The following ALDH1A2 variants were observed in gnomAD, a reference collection of about 807,000 sequenced individuals.
ALDH1A2 encodes the protein retinal dehydrogenase 2.
In ALDH1A2, 27 loss-of-function variants were observed where a neutral mutation model predicts 60.3. The observed-to-expected ratio is 0.45, with a 90% CI of 0.33 to 0.62. ALDH1A2 has a LOEUF of 0.62. Among genes scored for constraint, ALDH1A2 ranks in the 20% least tolerant of loss-of-function variants. The pLI, the probability that ALDH1A2 is intolerant of heterozygous loss-of-function variation, is 0.02. For missense variants in ALDH1A2, 581 were observed against 643.8 expected, an observed-to-expected ratio of 0.90 and a Z score of 1.06; for synonymous variants, 289 against 232.4, an observed-to-expected ratio of 1.24 and a Z score of -2.21.
At chr15:57,979,088 C>G (rs1230447672) in intron 7 of ALDH1A2, among the ~76,000 whole-genome samples, 1 of 152,068 alleles carries the variant, frequency 6.6e-6, no homozygotes, top group Non-Finnish European at 1.5e-5. Flanking sequence ...GGCCCAACCA[C>G]TCAGCATCCA....
At chr15:57,997,548 G>C (rs1895104982) in intron 4 of ALDH1A2, among the ~76,000 whole-genome samples, 1 of 151,696 alleles carries the variant, frequency 6.6e-6, no homozygotes, top group African/African-American at 2.4e-5. Flanking sequence ...ACCTGGAATG[G>C]TTCAGAAAAA....
chr15:58,060,636 A>G (rs1355583090), intron 1 of ALDH1A2, among the ~76,000 whole-genome samples: 1 of 152,140 alleles, frequency 6.6e-6, no homozygotes, highest in Non-Finnish European at 1.5e-5. Context: ...AAATGAAGGA[A>G]GGGCATGCAA....
intron 7 of ALDH1A2, among the ~76,000 whole-genome samples, chr15:57,977,115 A>G (rs1465713051): frequency 6.7e-6 from 1 of 149,228 alleles, no homozygotes; most frequent in African/African-American, 2.5e-5. Context: ...TTTTTCTTGT[A>G]AACTTGTTTA....
At chr15:57,992,072 A>G (rs1894914588) in intron 7 of ALDH1A2, among the ~76,000 whole-genome samples, 1 of 152,208 alleles carries the variant, frequency 6.6e-6, no homozygotes, top group Non-Finnish European at 1.5e-5. Flanking sequence ...AAAGATTAGC[A>G]TTTGTAATCC....
intron 1 of ALDH1A2, among the ~76,000 whole-genome samples, chr15:58,016,809 T>C (rs771888906): frequency 6.6e-6 from 1 of 152,194 alleles, no homozygotes; most frequent in Non-Finnish European, 1.5e-5. Context: ...CACCACTGTA[T>C]CATCCTTCCG....
In ALDH1A2 at chr15:57,965,814, A is replaced by G; in HGVS notation, c.812T>C (p.Ile271Thr). 6.2e-7 allele frequency: 1 copy of G among 1,614,100 alleles called. No individual in the cohort carries two copies. The highest frequency in any genetic ancestry group is 8.5e-7 in the Non-Finnish European group (1 of 1,179,944). The change falls in exon 8 of 13, where the codon ATC (isoleucine) becomes ACC (threonine). Residue 271 changes from isoleucine (I) to threonine (T), a missense_variant. Around this residue, in one of 2 missense-constraint regions of ALDH1A2, gnomAD observed 375 missense variants for 469.7 expected, o/e 0.80. Transcript: ENST00000249750. ...FTGSTEVGKL[I>T]QEAAGRSNLK... ...ATTACTTCTTCCAGCTGCTTCTTGG[A>G]TAAGCTTTCCAACCTGAAAGAAGGG...
intron 12 of ALDH1A2, among the ~76,000 whole-genome samples, 192 bp from the exon 13 acceptor site, chr15:57,955,461 G>GT (rs1178941419): frequency 6.7e-6 from 1 of 149,652 alleles, no homozygotes; most frequent in Non-Finnish European, 1.5e-5. Context: ...CTCATGAGTA[G>GT]TTTTTAAAGA....
rs1471985634 is a variant in ALDH1A2, at chr15:57,958,129, A to G, written c.1484+2641T>C. On this transcript the variant is annotated intron_variant, in intron 12 of 12. Transcript: ENST00000249750. The stretch of plus-strand genomic sequence containing the variant: ...CAGATCAACTAACTCAGAATCTCTG[A>G]GAGTGGGTCCCTAGATACGCATGCT... Among the ~76,000 whole-genome samples, 26 of 152,174 alleles carry G rather than the reference A, an allele frequency of 1.7e-4. 1 individual carries two copies. Among genetic ancestry groups the G allele is most frequent in the Admixed American group, 1.4e-3 (22 of 15,282 alleles).
At chr15:57,964,293 C>T in intron 8 of ALDH1A2, 1 of 558,892 alleles carries the variant, frequency 1.8e-6, no homozygotes, top group Non-Finnish European at 3.2e-6. Flanking sequence ...ATTCTGCAAA[C>T]AGAGGTACTG....
intron 9 of ALDH1A2, among the ~76,000 whole-genome samples, chr15:57,962,764 T>C (rs568154519): frequency 2.0e-5 from 3 of 152,292 alleles, no homozygotes; most frequent in Admixed American, 6.5e-5. Flanking sequence ...TTGCTTATTA[T>C]GGTAAATAAC....
chr15:58,058,481 A>C (rs907193151), intron 1 of ALDH1A2, among the ~76,000 whole-genome samples: 2 of 151,794 alleles, frequency 1.3e-5, no homozygotes, highest in Non-Finnish European at 2.9e-5. Flanking sequence ...AAAAAAAAAA[A>C]AAAAACCTAA....
intron 4 of ALDH1A2, among the ~76,000 whole-genome samples, chr15:58,005,282 T>C (rs1895411430): frequency 6.6e-6 from 1 of 152,010 alleles, no homozygotes; most frequent in Non-Finnish European, 1.5e-5. Context: ...GTCTCTCCTA[T>C]GGTGTCCCAC....
intron 4 of ALDH1A2, among the ~76,000 whole-genome samples, chr15:58,010,289 G>T: frequency 6.6e-6 from 1 of 152,042 alleles, no homozygotes; most frequent in South Asian, 2.1e-4. Context: ...AGGGCAAGGA[G>T]CAAGTCTTAA....
At position 58,016,143 on chromosome 15, in the gene ALDH1A2, T is replaced by TTC. The variant is rs1356654447; in HGVS notation, c.118-1863_118-1862insGA. On this transcript the variant is annotated intron_variant, in intron 1 of 12. Coordinates refer to ENST00000249750, the MANE Select transcript of ALDH1A2 (RefSeq NM_003888.4). ...CCAAGGCCCACTGATCCTAATTTTT[T>TTC]TTTTTTTTTTTTTTTAAGACAGAGC... Among the ~76,000 whole-genome samples the TTC allele has an allele frequency of 3.3e-5, 5 of 151,446 alleles. No individual in the cohort carries two copies. The East Asian group carries it at 7.8e-4, about 24-fold the overall frequency.
At chr15:58,028,990 A>G (rs1048913261) in intron 1 of ALDH1A2, among the ~76,000 whole-genome samples, 1 of 152,194 alleles carries the variant, frequency 6.6e-6, no homozygotes, top group Non-Finnish European at 1.5e-5. Flanking sequence ...AGATACATCT[A>G]CAAGAAAGAA....
At chr15:58,023,583 T>C (rs1359636413) in intron 1 of ALDH1A2, among the ~76,000 whole-genome samples, 1 of 140,570 alleles carries the variant, frequency 7.1e-6, no homozygotes, top group Non-Finnish European at 1.5e-5. Context: ...GGAAACCCCA[T>C]CAAACTAACA....
chr15:57,963,500 C>T (rs533097651), intron 9 of ALDH1A2, among the ~76,000 whole-genome samples: 28 of 152,016 alleles, frequency 1.8e-4, no homozygotes, highest in Middle Eastern at 3.4e-3. Context: ...CCACCTCGCC[C>T]GGCTAATTTT....
chr15:57,977,067 G>A lies in ALDH1A2; in HGVS notation c.799-11240C>T, dbSNP rs1224616130. ...GGCCACGTCTTCTTTTGCGAAGTGT[G>A]TGTTCATATCCTTTGCCCACTTTTC... is the stretch of plus-strand genomic sequence containing the variant. On this transcript the variant is annotated intron_variant, in intron 7 of 12. Transcript: ENST00000249750. Among the ~76,000 whole-genome samples the A allele has an allele frequency of 4.0e-5, 6 of 149,666 alleles. No individual in the cohort carries two copies. In the South Asian group the frequency reaches 8.5e-4, roughly 21 times the overall value.
intron 1 of ALDH1A2, among the ~76,000 whole-genome samples, chr15:58,023,441 G>C (rs986581292): frequency 1.3e-5 from 2 of 152,172 alleles, no homozygotes; most frequent in African/African-American, 4.8e-5. Flanking sequence ...GATACAGGAT[G>C]CTTAATGATT....
Sources: allele counts gnomAD v4.1 joint callset (sites outside exome capture counted in the v4.1 genomes callset), GRCh38; gene constraint gnomAD v4.1.1; regional missense constraint gnomAD v4.1.1; transcripts MANE v1.5; gene names NCBI Gene and HGNC (gene_info 2026-07-23, HGNC 2026-07-21).